RFX7: variants seen among roughly 807,000 people sequenced by gnomAD.
RFX7 encodes regulatory factor X7, also known as DNA-binding protein RFX7.
A neutral mutation model predicts 111.8 loss-of-function variants in RFX7; 26 were observed. The ratio of observed to expected loss-of-function variants is 0.23; its 90% confidence interval spans 0.17 to 0.32. The LOEUF is 0.32. RFX7 is among the 10% of genes least tolerant of loss of function. The pLI, the probability that RFX7 is intolerant of heterozygous loss-of-function variation, is 1.00. For missense variants in RFX7, 1,573 were observed against 1,772.9 expected (o/e 0.89, Z 2.02); for synonymous variants, 624 against 624.4 (o/e 1.00, Z 0.01).
chr15:56,216,853 C>T (rs1345724359), intron 2 of RFX7, among the ~76,000 whole-genome samples: 3 of 151,270 alleles, frequency 2.0e-5, no homozygotes, highest in Non-Finnish European at 2.9e-5. Flanking sequence ...GATAGGGTCT[C>T]GCTATGTTGC....
At chr15:56,196,272 G>T (rs2043144822) in intron 2 of RFX7, among the ~76,000 whole-genome samples, 1 of 151,270 alleles carries the variant, frequency 6.6e-6, no homozygotes, top group Non-Finnish European at 1.5e-5. Context: ...AGTCCCCATG[G>T]GATCTTTTCC....
intron 5 of RFX7, among the ~76,000 whole-genome samples, chr15:56,140,357 C>T (rs4310793): frequency 0.065 from 9,919 of 152,214 alleles, 430 homozygotes; most frequent in Admixed American, 0.1. Flanking sequence ...GCGCAGTATT[C>T]GGGTGGGAGT....
chr15:56,095,790 A>G lies in RFX7; in HGVS notation c.1938T>C (p.Asn646=). Residue 646 remains asparagine, a synonymous_variant, in exon 10 of 10, where the codon AAT becomes AAC. Coordinates refer to ENST00000559447, the MANE Select transcript of RFX7 (RefSeq NM_022841.7). The part of the protein sequence containing the change: ...SSSPPNGDSI[N]KDPKLCTKSP... ...TTTTAGTGCATAATTTAGGGTCTTT[A>G]TTGATTGAGTCACCATTAGGTGGTG... 6.2e-7 allele frequency: 1 copy of G among 1,613,140 alleles called. No homozygotes were observed. Among genetic ancestry groups the G allele is most frequent in the Non-Finnish European group, 8.5e-7 (1 of 1,179,858 alleles).
intron 5 of RFX7, among the ~76,000 whole-genome samples, 194 bp downstream of exon 5, chr15:56,142,584 T>A (rs1288845424): frequency 6.6e-6 from 1 of 152,174 alleles, no homozygotes; most frequent in African/African-American, 2.4e-5. Context: ...AATCCTTTTA[T>A]TCATTAATCC....
At chr15:56,106,357 A>G (rs1003504659) in intron 5 of RFX7, among the ~76,000 whole-genome samples, 2 of 152,216 alleles carry the variant, frequency 1.3e-5, no homozygotes, top group African/African-American at 4.8e-5. Flanking sequence ...AAATAGCTCA[A>G]ATTATTCCTC....
intron 2 of RFX7, among the ~76,000 whole-genome samples, chr15:56,234,003 ATTTCTGC>A (rs1273862494): frequency 2.6e-5 from 4 of 152,110 alleles, no homozygotes; most frequent in African/African-American, 9.7e-5. Flanking sequence ...TCTGAATCTA[ATTTCTGC>A]TAGTGAGATT....
chr15:56,121,777 T>G (rs74595292), intron 5 of RFX7, among the ~76,000 whole-genome samples: 1,866 of 152,276 alleles, frequency 0.012, 42 homozygotes, highest in African/African-American at 0.041. Context: ...TCAGGGTCAC[T>G]AGTTCTTTTT....
At chr15:56,103,491 A>G (rs1339603099) in intron 6 of RFX7, 63 bp downstream of exon 6, 1 of 1,049,942 alleles carries the variant, frequency 9.5e-7, no homozygotes, top group Non-Finnish European at 1.4e-6. Context: ...AACTACAACA[A>G]TAGATGTTCT....
chr15:56,230,095 T>C (rs1442089492), intron 2 of RFX7, among the ~76,000 whole-genome samples: 1 of 152,164 alleles, frequency 6.6e-6, no homozygotes, highest in African/African-American at 2.4e-5. Flanking sequence ...GCTCAAACCC[T>C]CTGCTAGGAC....
At chr15:56,138,408 G>C (rs1321943560) in intron 5 of RFX7, among the ~76,000 whole-genome samples, 2 of 150,362 alleles carry the variant, frequency 1.3e-5, no homozygotes, top group Non-Finnish European at 2.9e-5. Context: ...TTGGTTTAAA[G>C]TCTGTTTTAT....
chr15:56,191,392 T>C (rs2043099196), intron 2 of RFX7, among the ~76,000 whole-genome samples: 1 of 152,192 alleles, frequency 6.6e-6, no homozygotes, highest in Non-Finnish European at 1.5e-5. Flanking sequence ...CAATTATCTA[T>C]CTTTTTACCA....
chr15:56,186,636 G>A (rs1024803943), intron 2 of RFX7, among the ~76,000 whole-genome samples: 6 of 151,898 alleles, frequency 4.0e-5, no homozygotes, highest in Admixed American at 2.0e-4. Context: ...GTATACATGT[G>A]TGTATGTGTA....
At chr15:56,111,288 T>C (rs1431891165) in intron 5 of RFX7, among the ~76,000 whole-genome samples, 1 of 151,548 alleles carries the variant, frequency 6.6e-6, no homozygotes, top group African/African-American at 2.4e-5. Context: ...AGACTTTTCA[T>C]TTTGTTCTGT....
At chr15:56,122,643 G>A (rs527601365) in intron 5 of RFX7, among the ~76,000 whole-genome samples, 1 of 152,330 alleles carries the variant, frequency 6.6e-6, no homozygotes, top group Admixed American at 6.5e-5. Context: ...CCAGACCCCA[G>A]ATGGGTCCAG....
rs1274847578 is a variant in RFX7, at chr15:56,094,528, T to C, written c.3200A>G (p.Asn1067Ser). 2 of 1,613,828 alleles carry C rather than the reference T, an allele frequency of 1.2e-6. No homozygotes were observed. Among genetic ancestry groups the C allele is most frequent in the South Asian group, 1.1e-5 (1 of 91,086 alleles). Residue 1067 changes from asparagine to serine, a missense_variant, in exon 10 of 10, where the codon AAT becomes AGT. This residue lies in a region of RFX7 where 411 missense variants were observed against 478.1 expected (regional missense o/e 0.86). Transcript: ENST00000559447. ...TGAATTACCAACCCCACTATACCCA[T>C]TATTCATCCATTCAAGCTTGGTTTT... is the stretch of plus-strand genomic sequence containing the variant. ...PDKTKLEWMNNGYSGVGNSSV... is the reference protein window; with the variant it reads ...PDKTKLEWMNSGYSGVGNSSV...
intron 3 of RFX7, among the ~76,000 whole-genome samples, chr15:56,170,564 G>A (rs1435020250): frequency 5.9e-5 from 9 of 152,142 alleles, no homozygotes; most frequent in South Asian, 2.1e-4. Context: ...CCCTAGGGGC[G>A]TGGAGGGCAA....
At chr15:56,234,052 T>G (rs2043596739) in intron 2 of RFX7, among the ~76,000 whole-genome samples, 1 of 152,230 alleles carries the variant, frequency 6.6e-6, no homozygotes, top group African/African-American at 2.4e-5. Context: ...CTGTTAAGTG[T>G]GTTTGGATTT....
chr15:56,164,421 T>C (rs562153052), intron 3 of RFX7, among the ~76,000 whole-genome samples: 1 of 152,190 alleles, frequency 6.6e-6, no homozygotes, highest in Non-Finnish European at 1.5e-5. Context: ...ATATCCAAGA[T>C]CTGTGAAACA....
intron 2 of RFX7, chr15:56,189,810 G>C (rs1227624499): frequency 6.6e-6 from 1 of 152,192 alleles, no homozygotes; most frequent in Non-Finnish European, 1.5e-5. Flanking sequence ...CCTTGGACTA[G>C]TTTAGCATTT....
Sources: gnomAD v4.1 joint callset for allele counts (sites outside exome capture counted in the v4.1 genomes callset) on GRCh38, gnomAD v4.1.1 for gene constraint, gnomAD v4.1.1 regional missense constraint, MANE v1.5 for transcripts, NCBI Gene and HGNC (gene_info 2026-07-23, HGNC 2026-07-21) for gene names.